ARHGEF11: variants seen among roughly 807,000 people sequenced by gnomAD.
ARHGEF11 encodes the protein Rho guanine exchange factor (GEF) 11.
ARHGEF11 carries 55 observed loss-of-function variants against 193.7 expected under a neutral mutation model. The observed-to-expected ratio is 0.28, with a 90% CI of 0.23 to 0.36. The LOEUF (loss-of-function observed/expected upper bound fraction) is 0.36, where lower values mean the gene tolerates loss of function less well. Among genes scored for constraint, ARHGEF11 ranks in the 10% least tolerant of loss-of-function variants. The pLI is 1.00. For synonymous variants in ARHGEF11, 693 were observed against 768.0 expected (o/e 0.90, Z 1.62); for missense variants, 1,723 against 2,005.6 (o/e 0.86, Z 2.69).
intron 37 of ARHGEF11, 69 bp downstream of exon 37, chr1:156,939,479 C>A: frequency 6.3e-7 from 1 of 1,595,338 alleles, no homozygotes; most frequent in Non-Finnish European, 8.5e-7. Context: ...AAGGAAGCAG[C>A]TGTTCGGAAG....
chr1:157,046,702 TCA>T (rs1421052449), upstream of ARHGEF11, among the ~76,000 whole-genome samples: 1 of 152,298 alleles, frequency 6.6e-6, no homozygotes, highest in East Asian at 1.9e-4. Flanking sequence ...TCTCATAGAA[TCA>T]CAGTTTCTAA....
chr1:156,951,924 G>A (rs951954039), intron 21 of ARHGEF11, among the ~76,000 whole-genome samples: 1 of 151,966 alleles, frequency 6.6e-6, no homozygotes, highest in Non-Finnish European at 1.5e-5. Context: ...TTCCTCATGC[G>A]CAAAATGAGA....
At position 156,978,287 on chromosome 1, in the gene ARHGEF11, G is replaced by C. The variant is rs370156269; in HGVS notation, c.427C>G (p.Arg143Gly). The change falls in exon 6 of 41, where the codon CGA (arginine) becomes GGA (glycine). Residue 143 changes from arginine (R) to glycine (G), a missense_variant. Physicochemically the swap from Arg to Gly is moderately radical, Grantham distance 125. Transcript: ENST00000368194. Reference sequence around the variant, plus strand: ...GGTGAGGGGATCACTGACGTGATTCGGGGAGCTCCTGCTGGGGATGGGTCC... The same window carrying C: ...GGTGAGGGGATCACTGACGTGATTCCGGGAGCTCCTGCTGGGGATGGGTCC... Reference protein sequence around the residue: ...QQDPSPAGAPRITSVIPSPPP... With the variant: ...QQDPSPAGAPGITSVIPSPPP... 19 of 1,613,988 alleles carry C rather than the reference G, an allele frequency of 1.2e-5. No individual in the cohort carries two copies. The African/African-American group carries it at 2.1e-4, about 18-fold the overall frequency.
chr1:157,010,015 C>G (rs1419567100), intron 1 of ARHGEF11, among the ~76,000 whole-genome samples: 4 of 152,048 alleles, frequency 2.6e-5, no homozygotes, highest in Admixed American at 2.0e-4. Context: ...CAGGGAAAGA[C>G]TTGCCCCTAA....
chr1:157,021,989 T>C (rs1323486345), intron 1 of ARHGEF11, among the ~76,000 whole-genome samples: 3 of 152,152 alleles, frequency 2.0e-5, no homozygotes, highest in East Asian at 3.9e-4. Flanking sequence ...TCTGACAAAA[T>C]CCAACACCCT....
chr1:156,942,020 A>T (rs1348573058), intron 33 of ARHGEF11, 31 bp from the exon 34 acceptor site: 7 of 1,613,694 alleles, frequency 4.3e-6, no homozygotes, highest in Non-Finnish European at 5.9e-6. Flanking sequence ...AGAGGACTGT[A>T]GTGAGAGCAA....
chr1:156,942,420 A>T (rs772005364), intron 33 of ARHGEF11, among the ~76,000 whole-genome samples: 1 of 152,212 alleles, frequency 6.6e-6, no homozygotes, highest in Non-Finnish European at 1.5e-5. Context: ...CCTAATGGTG[A>T]AGGGAGTAGG....
chr1:156,946,561 G>A, intron 28 of ARHGEF11, 101 bp downstream of exon 28: 3 of 1,521,654 alleles, frequency 2.0e-6, no homozygotes, highest in Non-Finnish European at 2.7e-6. Flanking sequence ...AGAGGGAGTT[G>A]CTGTAGACAG....
In ARHGEF11 at chr1:156,959,112, C is replaced by A. The variant is rs145549282; in HGVS notation, c.1313G>T (p.Arg438Leu). The A allele has an allele frequency of 1.7e-5, 27 of 1,614,056 alleles. No individual in the cohort carries two copies. Among genetic ancestry groups the A allele is most frequent in the East Asian group, 2.2e-5 (1 of 44,890 alleles). ...DSRLRNSEDARGVLCEAQEAA... is the reference protein window; with the variant it reads ...DSRLRNSEDALGVLCEAQEAA... ...CTCTTGAGCTTCACAGAGAACACCA[C>A]GGGCATCTTCGCTGTTCCGCAGGCG... Residue 438 changes from arginine (R) to leucine (L), a missense_variant, in exon 16 of 41, where the codon CGT becomes CTT. Physicochemically the swap from Arg to Leu is moderately radical, Grantham distance 102. This residue lies in a region of ARHGEF11 where 646 missense variants were observed against 710.7 expected (regional missense o/e 0.91). Transcript: ENST00000368194.
intron 29 of ARHGEF11, chr1:156,945,492 G>A (rs938447665): frequency 2.0e-4 from 81 of 395,518 alleles, no homozygotes; most frequent in Non-Finnish European, 1.5e-4. Context: ...GTGGTAAATG[G>A]CCACAATTAT....
chr1:157,030,240 T>C (rs1017924228), intron 1 of ARHGEF11, among the ~76,000 whole-genome samples: 4 of 152,132 alleles, frequency 2.6e-5, no homozygotes, highest in East Asian at 1.9e-4. Context: ...CCAGGCACCA[T>C]AGTGTACACA....
intron 18 of ARHGEF11, 39 bp from the exon 19 acceptor site, chr1:156,956,603 A>C (rs1260099685): frequency 6.2e-7 from 1 of 1,612,232 alleles, no homozygotes; most frequent in Non-Finnish European, 8.5e-7. Context: ...AGAGAGCTCA[A>C]GTTATCTTCC....
chr1:156,983,960 G>A (rs998514790), intron 3 of ARHGEF11, among the ~76,000 whole-genome samples: 1 of 152,210 alleles, frequency 6.6e-6, no homozygotes, highest in Non-Finnish European at 1.5e-5. Flanking sequence ...AACCTCTGTA[G>A]AAAGTGACCA....
In ARHGEF11 at chr1:157,034,321, T is replaced by G. The variant is rs1671644844; in HGVS notation, c.32+9978A>C. Among the ~76,000 whole-genome samples, 3 of 152,162 alleles carry G rather than the reference T, an allele frequency of 2.0e-5. No homozygotes were observed. The South Asian group carries it at 6.2e-4, about 32-fold the overall frequency. ...CTCTGGGAAATGAATGGGGCCAGCC[T>G]GGGGCAGGCGGGACAATGGCAGGGT... On this transcript the variant is annotated intron_variant, in intron 1 of 40. Coordinates refer to ENST00000368194, the MANE Select transcript of ARHGEF11 (RefSeq NM_198236.3).
rs74830681 is a variant in ARHGEF11 at position 157,031,816 on chromosome 1, C to T, written c.32+12483G>A. On this transcript the variant is annotated intron_variant, in intron 1 of 40. Transcript: ENST00000368194. ...TGGACTCCTGCAAGGGTAGAACAAC[C>T]GATCACTCTGTGGAAGCATGTTCTG... 3.9e-5 allele frequency among the ~76,000 whole-genome samples: 6 copies of T among 152,236 alleles called. No individual in the cohort carries two copies. The East Asian group carries it at 1.2e-3, about 29-fold the overall frequency.
chr1:156,943,445 G>A (rs774405599), intron 32 of ARHGEF11, among the ~76,000 whole-genome samples: 6 of 152,090 alleles, frequency 3.9e-5, no homozygotes, highest in Admixed American at 1.3e-4. Flanking sequence ...TCTTACAGAC[G>A]AAGAAAGTGA....
At chr1:156,993,131 T>C (rs1272903476) in intron 1 of ARHGEF11, among the ~76,000 whole-genome samples, 1 of 152,204 alleles carries the variant, frequency 6.6e-6, no homozygotes, top group Non-Finnish European at 1.5e-5. Flanking sequence ...GTGAAACAGG[T>C]AGTACATCCC....
chr1:156,941,693 GCAGGGA>G (rs940067208), intron 34 of ARHGEF11, among the ~76,000 whole-genome samples, 165 bp downstream of exon 34: 1 of 152,236 alleles, frequency 6.6e-6, no homozygotes, highest in African/African-American at 2.4e-5. Context: ...GGGACAAGAA[GCAGGGA>G]CAGGGGGCAT....
At chr1:156,980,610 A>G (rs1663992471) in intron 3 of ARHGEF11, 124 bp from the exon 4 acceptor site, 1 of 1,088,946 alleles carries the variant, frequency 9.2e-7, no homozygotes, top group Non-Finnish European at 1.3e-6. Context: ...AGTATCTCAA[A>G]TTCTGGGTGT....
Sources: gnomAD v4.1 joint callset for allele counts (sites outside exome capture counted in the v4.1 genomes callset) on GRCh38, gnomAD v4.1.1 for gene constraint, gnomAD v4.1.1 regional missense constraint, MANE v1.5 for transcripts, NCBI Gene and HGNC (gene_info 2026-07-23, HGNC 2026-07-21) for gene names.